The following CD72 variants were observed in gnomAD, a reference collection of about 807,000 sequenced individuals.
CD72 encodes the protein B-cell differentiation antigen CD72.
CD72 carries 28 observed loss-of-function variants against 50.7 expected under a neutral mutation model. The ratio of observed to expected loss-of-function variants is 0.55; its 90% CI spans 0.41 to 0.76. CD72 has a LOEUF of 0.76. CD72 is among the 30% of genes least tolerant of loss of function. The pLI is 0.00. For missense variants in CD72, 403 were observed against 420.6 expected, an observed-to-expected ratio of 0.96 and a Z score of 0.37; for synonymous variants, 176 against 171.2, an observed-to-expected ratio of 1.03 and a Z score of -0.22.
At chr9:35,615,860 G>A in intron 5 of CD72, 83 bp downstream of exon 5, 2 of 1,105,896 alleles carry the variant, frequency 1.8e-6, no homozygotes, top group Admixed American at 1.9e-5. Context: ...CACCTCACAG[G>A]CCCCTGGGTG....
intron 1 of CD72, among the ~76,000 whole-genome samples, chr9:35,633,380 G>A (rs142032203): frequency 1.7e-3 from 258 of 150,924 alleles, no homozygotes; most frequent in Non-Finnish European, 2.5e-3. Context: ...TTTCCTGTGC[G>A]TGTGTTGTTT....
At position 35,617,173 on chromosome 9, in the gene CD72, C is replaced by A. The variant is rs1256865483; in HGVS notation, c.262+3G>T. Reference sequence around the variant, plus strand: ...CGCGGCTGCCCCGCACAGGCACACTCACAGGGGAGAATCCGCCCGACAGCT... The same window carrying A: ...CGCGGCTGCCCCGCACAGGCACACTAACAGGGGAGAATCCGCCCGACAGCT... On this transcript the variant is annotated splice_donor_region_variant and intron_variant, in intron 3 of 8. Coordinates refer to ENST00000259633, the MANE Select transcript of CD72 (RefSeq NM_001782.3). The A allele has an allele frequency of 6.4e-7, 1 of 1,561,424 alleles. No homozygotes were observed. Among genetic ancestry groups the A allele is most frequent in the Non-Finnish European group, 8.7e-7 (1 of 1,152,500 alleles).
At chr9:35,612,220 G>A (rs776114152) in intron 6 of CD72, among the ~76,000 whole-genome samples, 3 of 152,154 alleles carry the variant, frequency 2.0e-5, no homozygotes, top group Non-Finnish European at 2.9e-5. Context: ...CTCTCTGCCT[G>A]AGAGGCCACA....
chr9:35,612,986 G>A lies in CD72; in HGVS notation c.696C>T (p.Cys232=), dbSNP rs1823009996. The A allele has an allele frequency of 6.2e-7, 1 of 1,609,298 alleles. No individual in the cohort carries two copies. Among genetic ancestry groups the A allele is most frequent in the Non-Finnish European group, 8.5e-7 (1 of 1,176,716 alleles). The change falls in exon 6 of 9, where the codon TGC becomes TGT. Residue 232 remains cysteine, a synonymous_variant. Transcript: ENST00000259633. ...PFFTCGSADT[C]CPSGWIMHQK... ...GATGCATTATCCATCCCGACGGACA[G>A]CAGGTGTCTAAAAAGCAGAAAGAGT...
Position 35,611,833 on chromosome 9 carries a change from C to A in CD72, c.921G>T (p.Trp307Cys), listed in dbSNP as rs774937735. 1.9e-6 allele frequency: 3 copies of A among 1,611,120 alleles called. No individual in the cohort carries two copies. The highest frequency in any genetic ancestry group is 1.7e-6 in the Non-Finnish European group (2 of 1,177,218). ...TGCGTTGTGTATCATCAGTCAACTT[C>A]CAATCCTTGTTAGAGCTGAGGCCAG... ...YWTGLSSNKD[W>C]KLTDDTQRTR... Residue 307 changes from tryptophan (W) to cysteine (C), a missense_variant, in exon 7 of 9, where the codon TGG becomes TGT. By Grantham distance (215) the Trp-to-Cys change is radical (BLOSUM62 -2). Transcript: ENST00000259633.
At chr9:35,610,545 C>T (rs372492574) in intron 8 of CD72, 57 bp downstream of exon 8, 1 of 901,818 alleles carries the variant, frequency 1.1e-6, no homozygotes, top group Non-Finnish European at 1.6e-6. Context: ...TGAGTCCCTG[C>T]TCTGAGTCCC....
intron 1 of CD72, among the ~76,000 whole-genome samples, chr9:35,630,759 T>C (rs912614573): frequency 1.3e-4 from 20 of 152,172 alleles, no homozygotes; most frequent in African/African-American, 4.6e-4. Flanking sequence ...TGTTCTCTTC[T>C]GTAAAATAAG....
intron 1 of CD72, among the ~76,000 whole-genome samples, chr9:35,640,346 GTGAGC>G (rs1823327081): frequency 3.9e-5 from 6 of 152,322 alleles, no homozygotes; most frequent in South Asian, 4.1e-4. Flanking sequence ...CAAGATGGTG[GTGAGC>G]CGCTTCCAAG....
chr9:35,629,651 T>C (rs1216053460), intron 1 of CD72, among the ~76,000 whole-genome samples: 1 of 152,142 alleles, frequency 6.6e-6, no homozygotes, highest in African/African-American at 2.4e-5. Context: ...TGGGCAAAAG[T>C]GGGACAGAGC....
Position 35,618,391 on chromosome 9 carries a change from C to T in CD72, c.-88G>A. On this transcript the variant is annotated 5_prime_UTR_variant, in exon 1 of 9. Coordinates refer to ENST00000259633, the MANE Select transcript of CD72 (RefSeq NM_001782.3). ...TCGTCTCTGTCCGTTTACAACTAGGCTCTGTGTTCCCTCTGTGACTGCACG... is the reference window on the plus strand; with the variant it reads ...TCGTCTCTGTCCGTTTACAACTAGGTTCTGTGTTCCCTCTGTGACTGCACG... 1.9e-6 allele frequency: 3 copies of T among 1,585,808 alleles called. No homozygotes were observed. The highest frequency in any genetic ancestry group is 2.6e-6 in the Non-Finnish European group (3 of 1,166,186).
At chr9:35,612,717 T>A in intron 6 of CD72, 131 bp downstream of exon 6, 1 of 824,754 alleles carries the variant, frequency 1.2e-6, no homozygotes, top group Non-Finnish European at 2.0e-6. Flanking sequence ...AAGAGTATTA[T>A]GATTCTCAGT....
At chr9:35,642,191 C>A (rs928020387) in intron 1 of CD72, among the ~76,000 whole-genome samples, 2 of 152,182 alleles carry the variant, frequency 1.3e-5, no homozygotes, top group Admixed American at 6.5e-5. Context: ...TCCCCTCTAG[C>A]GGCACTGGTT....
rs1385373366 is a variant in CD72 at position 35,610,023 on chromosome 9, G to A, written c.*300C>T. On this transcript the variant is annotated 3_prime_UTR_variant, in exon 9 of 9. Transcript: ENST00000259633. ...CAATAAAACTGCCTGGCTGGCTCCGGGCCGCCCCTATCCGCTCAGCCCGTG... is the reference window on the plus strand; with the variant it reads ...CAATAAAACTGCCTGGCTGGCTCCGAGCCGCCCCTATCCGCTCAGCCCGTG... 2.5e-6 allele frequency: 1 copy of A among 399,694 alleles called. No homozygotes were observed. Among genetic ancestry groups the A allele is most frequent in the Non-Finnish European group, 4.5e-6 (1 of 224,424 alleles). 24.8% of individuals were successfully genotyped at this position (399,694 alleles called of 1,614,324 possible). A position where few individuals can be genotyped will look rare whatever the true frequency, so the allele number is the denominator to read the frequency against.
chr9:35,636,028 G>C (rs1448613068), intron 1 of CD72, among the ~76,000 whole-genome samples: 1 of 152,150 alleles, frequency 6.6e-6, no homozygotes, highest in Non-Finnish European at 1.5e-5. Flanking sequence ...CTGGGAGTAG[G>C]AATTGGAATT....
intron 1 of CD72, among the ~76,000 whole-genome samples, chr9:35,628,526 G>A (rs555039718): frequency 5.9e-5 from 9 of 152,356 alleles, no homozygotes; most frequent in African/African-American, 1.7e-4. Flanking sequence ...GGATCTGAGT[G>A]ATGCTCGCTG....
chr9:35,640,408 G>A (rs954824573), intron 1 of CD72, among the ~76,000 whole-genome samples: 8 of 152,178 alleles, frequency 5.3e-5, no homozygotes, highest in Non-Finnish European at 1.2e-4. Context: ...TTGGCCTCAC[G>A]GATTCCAAGG....
chr9:35,615,205 C>T (rs1823046704), intron 5 of CD72, among the ~76,000 whole-genome samples: 1 of 152,162 alleles, frequency 6.6e-6, no homozygotes, highest in Non-Finnish European at 1.5e-5. Context: ...GGTGTCTGCA[C>T]ATAATCTTGC....
At chr9:35,644,905 A>G (rs1485556570) in intron 1 of CD72, among the ~76,000 whole-genome samples, 1 of 142,074 alleles carries the variant, frequency 7.0e-6, no homozygotes, top group Non-Finnish European at 1.6e-5. Flanking sequence ...TGAAGCCAAA[A>G]AAAAAAAAAA....
Position 35,611,795 on chromosome 9 carries a change from C to T in CD72, c.950+9G>A. 1 of 1,496,506 alleles carries T rather than the reference C, an allele frequency of 6.7e-7. No homozygotes were observed. Among genetic ancestry groups the T allele is most frequent in the Non-Finnish European group, 9.3e-7 (1 of 1,072,924 alleles). 92.7% of individuals were successfully genotyped at this position (1,496,506 alleles called of 1,614,324 possible). A position where few individuals can be genotyped will look rare whatever the true frequency, so the allele number is the denominator to read the frequency against. On this transcript the variant is annotated intron_variant, in intron 7 of 8. Coordinates refer to ENST00000259633, the MANE Select transcript of CD72 (RefSeq NM_001782.3). Reference sequence around the variant, plus strand: ...AGTTGAAAATACCCAGAAGTCCTAACAAACTTACCTAGTGCGTTGTGTATC... The same window carrying T: ...AGTTGAAAATACCCAGAAGTCCTAATAAACTTACCTAGTGCGTTGTGTATC...
Sources: gnomAD v4.1 joint callset for allele counts (sites outside exome capture counted in the v4.1 genomes callset) on GRCh38, gnomAD v4.1.1 for gene constraint, MANE v1.5 for transcripts, NCBI Gene and HGNC (gene_info 2026-07-23, HGNC 2026-07-21) for gene names.